Variants in TSC22D1 observed in about 807,000 individuals in gnomAD.
The protein encoded by TSC22D1 is TSC22 domain family protein 1.
In TSC22D1, 9 loss-of-function variants were observed where a neutral mutation model predicts 74.2. The observed-to-expected ratio is 0.12, with a 90% CI of 0.07 to 0.21. TSC22D1 has a LOEUF of 0.21. TSC22D1 is among the 10% of genes least tolerant of loss of function. TSC22D1 has a pLI of 1.00. For missense variants in TSC22D1, 1,427 were observed against 1,304.7 expected (o/e 1.09, Z -1.44); for synonymous variants, 586 against 492.5 (o/e 1.19, Z -2.51).
chr13:44,495,145 G>T (rs545641503), intron 1 of TSC22D1, among the ~76,000 whole-genome samples: 6 of 152,198 alleles, frequency 3.9e-5, no homozygotes, highest in African/African-American at 1.4e-4. Context: ...AACACATAAT[G>T]AGAGTTCCAG....
chr13:44,434,935 C>T, intron 2 of TSC22D1, 52 bp from the exon 3 acceptor site: 2 of 1,475,916 alleles, frequency 1.4e-6, no homozygotes, highest in African/African-American at 2.8e-5. Flanking sequence ...TTTCTGGACT[C>T]TTTTGAGTTT....
chr13:44,575,049 A>G lies in TSC22D1; in HGVS notation c.1026T>C (p.Asn342=). 6.2e-7 allele frequency: 1 copy of G among 1,614,168 alleles called. No homozygotes were observed. The highest frequency in any genetic ancestry group is 2.2e-5 in the East Asian group (1 of 44,886). Residue 342 remains asparagine, a synonymous_variant, in exon 1 of 3, where the codon AAT becomes AAC. Transcript: ENST00000458659. ...MLGNVNISTS[N]IPSAAGVSVG... is the part of the protein sequence containing the mutation. ...CACTCACACCAGCAGCACTAGGAAT[A>G]TTGCTTGTACTTATATTAACATTAC...
chr13:44,491,316 G>A (rs935472562), intron 1 of TSC22D1, among the ~76,000 whole-genome samples: 1 of 152,182 alleles, frequency 6.6e-6, no homozygotes, highest in Non-Finnish European at 1.5e-5. Flanking sequence ...CACTTTGGGA[G>A]GCCAAGGCGG....
chr13:44,486,018 A>G (rs371438565), intron 1 of TSC22D1, among the ~76,000 whole-genome samples: 8 of 152,072 alleles, frequency 5.3e-5, no homozygotes, highest in Admixed American at 1.3e-4. Context: ...TAGCTCCCCA[A>G]CCAGAAAAGG....
At chr13:44,499,784 G>A (rs1487908089) in intron 1 of TSC22D1, among the ~76,000 whole-genome samples, 1 of 151,956 alleles carries the variant, frequency 6.6e-6, no homozygotes, top group African/African-American at 2.4e-5. Context: ...TTTGCAATTG[G>A]CTACTAAAAA....
intron 1 of TSC22D1, 72 bp from the exon 2 acceptor site, chr13:44,436,167 C>T (rs1278735454): frequency 6.6e-7 from 1 of 1,513,792 alleles, no homozygotes; most frequent in Non-Finnish European, 9.0e-7. Flanking sequence ...AAAAGGATCT[C>T]CCAATTTTGT....
chr13:44,557,616 T>C (rs1882755303), intron 1 of TSC22D1, among the ~76,000 whole-genome samples: 1 of 152,208 alleles, frequency 6.6e-6, no homozygotes, highest in Non-Finnish European at 1.5e-5. Context: ...CACTTTCTTG[T>C]TCCAATAATA....
chr13:44,451,338 G>A (rs572691717), intron 1 of TSC22D1: 2 of 152,352 alleles, frequency 1.3e-5, no homozygotes, highest in African/African-American at 4.8e-5. Flanking sequence ...CTGCCAAGAG[G>A]GAGGGACGCG....
At chr13:44,449,592 A>AG (rs1312821462) in intron 1 of TSC22D1, among the ~76,000 whole-genome samples, 1 of 152,186 alleles carries the variant, frequency 6.6e-6, no homozygotes, top group Non-Finnish European at 1.5e-5. Context: ...GGTGGTCATC[A>AG]GCTTGGATCT....
At chr13:44,483,477 C>G (rs554052748) in intron 1 of TSC22D1, among the ~76,000 whole-genome samples, 1 of 152,100 alleles carries the variant, frequency 6.6e-6, no homozygotes, top group East Asian at 1.9e-4. Context: ...CTGGCTAACA[C>G]AGTGAAACGC....
chr13:44,565,638 G>A lies in TSC22D1; in HGVS notation c.2912+7525C>T, dbSNP rs148753205. Reference sequence around the variant, plus strand: ...TTTTCAACCTTAACAAAAGTGAGACGGCAAAAACCAACCACCAAAGTTCTA... The same window carrying A: ...TTTTCAACCTTAACAAAAGTGAGACAGCAAAAACCAACCACCAAAGTTCTA... On this transcript the variant is annotated intron_variant, in intron 1 of 2. Transcript: ENST00000458659. Among the ~76,000 whole-genome samples the A allele has an allele frequency of 8.2e-3, 1,243 of 152,156 alleles. 9 individuals are homozygous for A. The highest frequency in any genetic ancestry group is 0.01 in the South Asian group (50 of 4,822).
At chr13:44,528,496 A>T (rs1316801654) in intron 1 of TSC22D1, among the ~76,000 whole-genome samples, 1 of 152,062 alleles carries the variant, frequency 6.6e-6, no homozygotes, top group Non-Finnish European at 1.5e-5. Context: ...AAACTAAATG[A>T]AAATAAAAAT....
intron 1 of TSC22D1, among the ~76,000 whole-genome samples, chr13:44,492,519 T>C (rs894297147): frequency 6.7e-6 from 1 of 148,984 alleles, no homozygotes. Flanking sequence ...CAGACAAGAC[T>C]CTGTACAGGA....
At position 44,573,257 on chromosome 13, in the gene TSC22D1, C is replaced by T; in HGVS notation, c.2818G>A (p.Asp940Asn). The change falls in exon 1 of 3, where the codon GAT becomes AAT. Residue 940 changes from aspartate to asparagine, a missense_variant. This residue lies in a region of TSC22D1 where 1,343 missense variants were observed against 1,191.5 expected (regional missense o/e 1.13). Coordinates refer to ENST00000458659, the MANE Select transcript of TSC22D1 (RefSeq NM_183422.4). ...GCTGCTAGGCTGCTGCTACTCCCATCTGAAACTGCTGACATTCCCCCACTG... is the reference window on the plus strand; with the variant it reads ...GCTGCTAGGCTGCTGCTACTCCCATTTGAAACTGCTGACATTCCCCCACTG... The part of the protein sequence containing the change: ...GDSGGMSAVS[D>N]GSSSSLAASA... 1 of 1,614,252 alleles carries T rather than the reference C, an allele frequency of 6.2e-7. No homozygotes were observed.
intron 1 of TSC22D1, among the ~76,000 whole-genome samples, chr13:44,491,133 C>T (rs2137957727): frequency 6.6e-6 from 1 of 152,176 alleles, no homozygotes; most frequent in South Asian, 2.1e-4. Flanking sequence ...TGCCACTGCA[C>T]TCCAGCCTGG....
intron 1 of TSC22D1, among the ~76,000 whole-genome samples, chr13:44,457,614 T>C (rs1452080235): frequency 1.3e-5 from 1 of 76,960 alleles, no homozygotes; most frequent in African/African-American, 5.1e-5. Context: ...GCTTGTTGAA[T>C]ATATGTACTG....
intron 1 of TSC22D1, among the ~76,000 whole-genome samples, chr13:44,478,491 A>C (rs1351343188): frequency 6.6e-6 from 1 of 152,222 alleles, no homozygotes; most frequent in East Asian, 1.9e-4. Flanking sequence ...GTCTGATGCC[A>C]GAGTGTATAT....
At position 44,575,444 on chromosome 13, in the gene TSC22D1, T is replaced by G. The variant is rs749208615; in HGVS notation, c.631A>C (p.Ile211Leu). ...LPHLPQQNVV[I>L]NGNAHPHHLH... ...TGGTGTGGATGAGCATTCCCATTGA[T>G]CACAACATTCTGTTGTGGAAGGTGA... The change falls in exon 1 of 3, where the codon ATC (isoleucine) becomes CTC (leucine). Residue 211 changes from isoleucine to leucine, a missense_variant. By Grantham distance (5) the Ile-to-Leu change is conservative (BLOSUM62 2). Coordinates refer to ENST00000458659, the MANE Select transcript of TSC22D1 (RefSeq NM_183422.4). The G allele has an allele frequency of 6.2e-7, 1 of 1,614,096 alleles. No individual in the cohort carries two copies. Among genetic ancestry groups the G allele is most frequent in the Non-Finnish European group, 8.5e-7 (1 of 1,180,006 alleles).
intron 1 of TSC22D1, among the ~76,000 whole-genome samples, chr13:44,519,155 A>G (rs933771912): frequency 6.6e-6 from 1 of 152,204 alleles, no homozygotes; most frequent in African/African-American, 2.4e-5. Context: ...TTTACAGAAA[A>G]TGATTTCAAC....
Sources: gnomAD v4.1 joint callset for allele counts (sites outside exome capture counted in the v4.1 genomes callset) on GRCh38, gnomAD v4.1.1 for gene constraint, gnomAD v4.1.1 regional missense constraint, MANE v1.5 for transcripts, NCBI Gene and HGNC (gene_info 2026-07-23, HGNC 2026-07-21) for gene names.